MAPK9: variants seen among roughly 807,000 people sequenced by gnomAD.
The protein encoded by MAPK9 is Jun kinase.
A neutral mutation model predicts 57.1 loss-of-function variants in MAPK9; 30 were observed. The ratio of observed to expected loss-of-function variants is 0.53; its 90% CI spans 0.39 to 0.71. The LOEUF is 0.71. Ranked by LOEUF, MAPK9 falls within the 30% of genes least tolerant of loss-of-function variation. The probability of loss-of-function intolerance (pLI) is 0.00; values close to 1 mark genes in which losing one functional copy is unlikely to be tolerated. For missense variants in MAPK9, 362 were observed against 521.0 expected (o/e 0.69, Z 2.97); for synonymous variants, 155 against 177.0 (o/e 0.88, Z 0.99).
At position 180,233,416 on chromosome 5, in the gene MAPK9, A is replaced by C. The variant is rs1423653608; in HGVS notation, c.*2968T>G. On this transcript the variant is annotated 3_prime_UTR_variant, in exon 12 of 12. Coordinates refer to ENST00000452135, the MANE Select transcript of MAPK9 (RefSeq NM_002752.5). ...ATTTAGGAATTTGCAGAATATTTTC[A>C]ATAAGAGAACAAACAGCAATGTTTC... 1 of 152,252 alleles carries C rather than the reference A, an allele frequency of 6.6e-6. No individual in the cohort carries two copies. Among genetic ancestry groups the C allele is most frequent in the Non-Finnish European group, 1.5e-5 (1 of 68,048 alleles). 9.4% of individuals were successfully genotyped at this position (152,252 alleles called of 1,614,324 possible). A position where few individuals can be genotyped will look rare whatever the true frequency, so the allele number is the denominator to read the frequency against.
At chr5:180,255,144 C>T (rs1183085813) in intron 5 of MAPK9, among the ~76,000 whole-genome samples, 2 of 152,110 alleles carry the variant, frequency 1.3e-5, no homozygotes, top group African/African-American at 2.4e-5. Context: ...AAGAATTCTA[C>T]ACACATCTAC....
intron 7 of MAPK9, among the ~76,000 whole-genome samples, chr5:180,245,208 C>CATTT (rs764132222): frequency 6.0e-4 from 91 of 152,342 alleles, no homozygotes; most frequent in Non-Finnish European, 1.1e-3. Context: ...CACTGTCTAA[C>CATTT]AGACATCTCC....
intron 3 of MAPK9, among the ~76,000 whole-genome samples, chr5:180,268,045 C>G (rs1760843975): frequency 6.6e-6 from 1 of 151,974 alleles, no homozygotes; most frequent in Non-Finnish European, 1.5e-5. Flanking sequence ...AGGATGGTCT[C>G]TATCTCCTGA....
rs1758247155 is a variant in MAPK9 at position 180,247,603 on chromosome 5, T to C, written c.617-93A>G. ...TCTAACAGTGCACTAAACACACAAA[T>C]ATGGAAAAATAAATTGCTAGCTAAG... On this transcript the variant is annotated intron_variant, in intron 6 of 11. Coordinates refer to ENST00000452135, the MANE Select transcript of MAPK9 (RefSeq NM_002752.5). The surrounding 1 kb of genome is among the most constrained non-coding windows in gnomAD (Gnocchi z 4.5). 2.7e-6 allele frequency: 3 copies of C among 1,129,212 alleles called. No individual in the cohort carries two copies. The South Asian group carries it at 3.9e-5, about 15-fold the overall frequency. 69.9% of individuals were successfully genotyped at this position (1,129,212 alleles called of 1,614,324 possible). A position where few individuals can be genotyped will look rare whatever the true frequency, so the allele number is the denominator to read the frequency against.
intron 2 of MAPK9, among the ~76,000 whole-genome samples, chr5:180,279,184 T>G (rs1010028112): frequency 6.6e-6 from 1 of 152,096 alleles, no homozygotes; most frequent in Non-Finnish European, 1.5e-5. Context: ...TCTCGATCTC[T>G]TGACCTCGTG....
At chr5:180,271,804 C>G (rs535264592) in intron 2 of MAPK9, among the ~76,000 whole-genome samples, 93 of 152,308 alleles carry the variant, frequency 6.1e-4, no homozygotes, top group Middle Eastern at 6.8e-3. Flanking sequence ...ACAAAGGATT[C>G]TCTTATATTT....
intron 2 of MAPK9, among the ~76,000 whole-genome samples, chr5:180,275,173 T>C (rs1404934718): frequency 6.6e-6 from 1 of 152,204 alleles, no homozygotes; most frequent in Non-Finnish European, 1.5e-5. Flanking sequence ...TCATATCTCC[T>C]TGTGTGCCTA....
intron 2 of MAPK9, among the ~76,000 whole-genome samples, chr5:180,279,149 G>C (rs887223341): frequency 6.6e-6 from 1 of 151,944 alleles, no homozygotes; most frequent in African/African-American, 2.4e-5. Flanking sequence ...GCAAAGACGG[G>C]GTTTCACCAT....
intron 9 of MAPK9, among the ~76,000 whole-genome samples, chr5:180,240,366 A>G (rs538957783): frequency 1.3e-5 from 2 of 152,356 alleles, no homozygotes; most frequent in Admixed American, 6.5e-5. Context: ...CATTTTCTTC[A>G]TGGGAGAACT....
intron 5 of MAPK9, among the ~76,000 whole-genome samples, chr5:180,254,778 G>T (rs1390183541): frequency 6.6e-6 from 1 of 152,228 alleles, no homozygotes; most frequent in Non-Finnish European, 1.5e-5. Context: ...GCTCATGCCT[G>T]TAATCCAGCA....
At chr5:180,282,944 A>G (rs1258674125) in intron 1 of MAPK9, among the ~76,000 whole-genome samples, 1 of 152,162 alleles carries the variant, frequency 6.6e-6, no homozygotes, top group African/African-American at 2.4e-5. Flanking sequence ...GGAATGTGAC[A>G]AGTCACTAGG....
chr5:180,287,503 G>A (rs879657253), intron 1 of MAPK9, among the ~76,000 whole-genome samples: 2 of 152,214 alleles, frequency 1.3e-5, no homozygotes, highest in Non-Finnish European at 2.9e-5. Context: ...ACTGCCTGGA[G>A]AATAAGATTC....
At chr5:180,291,215 C>T (rs1419477951) in intron 1 of MAPK9, among the ~76,000 whole-genome samples, 2 of 151,170 alleles carry the variant, frequency 1.3e-5, no homozygotes, top group African/African-American at 2.4e-5. Flanking sequence ...GGGGGAGGGG[C>T]GCGGTGGTAA....
At chr5:180,283,206 C>G (rs148090535) in intron 1 of MAPK9, among the ~76,000 whole-genome samples, 6 of 152,326 alleles carry the variant, frequency 3.9e-5, no homozygotes, top group Admixed American at 3.3e-4. Flanking sequence ...CGCCTGGCAG[C>G]TTTCCCAGCA....
At chr5:180,249,909 C>T (rs2127583594) in intron 5 of MAPK9, among the ~76,000 whole-genome samples, 1 of 152,284 alleles carries the variant, frequency 6.6e-6, no homozygotes, top group Non-Finnish European at 1.5e-5. Context: ...TCCACAGCCT[C>T]CTGTGGTTAG....
At chr5:180,254,265 C>A (rs1341405396) in intron 5 of MAPK9, among the ~76,000 whole-genome samples, 2 of 152,176 alleles carry the variant, frequency 1.3e-5, no homozygotes, top group African/African-American at 2.4e-5. Context: ...CCGTGCTTGG[C>A]CTAATGTTTC....
At chr5:180,277,949 T>G (rs943608198) in intron 2 of MAPK9, among the ~76,000 whole-genome samples, 1 of 152,164 alleles carries the variant, frequency 6.6e-6, no homozygotes, top group African/African-American at 2.4e-5. Flanking sequence ...GAACATAAGA[T>G]AGAAGGATAC....
rs553368755 is a variant in MAPK9, at chr5:180,246,166, C to T, written c.688+1273G>A. On this transcript the variant is annotated intron_variant, in intron 7 of 11. Transcript: ENST00000452135. The stretch of plus-strand genomic sequence containing the variant: ...TGAGTAAGAATTGAGACAAACTGAA[C>T]ATTAAGTAGATATTTCTAAATTATT... 3 of 152,216 alleles carry T rather than the reference C, an allele frequency of 2.0e-5. No homozygotes were observed. In the South Asian group the frequency reaches 6.2e-4, roughly 32 times the overall value. The allele number at this position is 152,216 out of a possible 1,614,324, so 9.4% of individuals were successfully genotyped here. A position where few individuals can be genotyped will look rare whatever the true frequency, so the allele number is the denominator to read the frequency against.
intron 2 of MAPK9, among the ~76,000 whole-genome samples, chr5:180,276,450 T>C (rs1469253097): frequency 2.0e-5 from 3 of 152,374 alleles, no homozygotes; most frequent in East Asian, 1.9e-4. Flanking sequence ...ACTGAATATA[T>C]GTATGAAAGA....
Sources: gnomAD v4.1 joint callset for allele counts (sites outside exome capture counted in the v4.1 genomes callset) on GRCh38, gnomAD v4.1.1 for gene constraint, Gnocchi (gnomAD v3.1) non-coding constraint, MANE v1.5 for transcripts, NCBI Gene and HGNC (gene_info 2026-07-23, HGNC 2026-07-21) for gene names.